Variants in DLGAP1 observed in about 807,000 individuals in gnomAD.
DLGAP1 encodes the protein disks large-associated protein 1.
DLGAP1 carries 11 observed loss-of-function variants against 90.8 expected under a neutral mutation model. The observed-to-expected ratio is 0.12, with a 90% CI of 0.08 to 0.20. DLGAP1 has a LOEUF of 0.20. Ranked by LOEUF, DLGAP1 falls within the 10% of genes least tolerant of loss-of-function variation. The pLI is 1.00. For missense variants in DLGAP1, 1,050 were observed against 1,333.8 expected (o/e 0.79, Z 3.31); for synonymous variants, 558 against 540.7 (o/e 1.03, Z -0.44).
intron 1 of DLGAP1, among the ~76,000 whole-genome samples, chr18:4,423,453 A>T (rs1299176966): frequency 6.6e-6 from 1 of 152,220 alleles, no homozygotes. Context: ...TTTCACATCA[A>T]ATTACAGAAA....
intron 2 of DLGAP1, among the ~76,000 whole-genome samples, chr18:4,052,771 G>C (rs111690460): frequency 6.6e-6 from 1 of 151,996 alleles, no homozygotes; most frequent in Non-Finnish European, 1.5e-5. Flanking sequence ...CTTCTTGAAG[G>C]CTTTGCCACT....
chr18:3,685,499 A>G (rs192557100), intron 7 of DLGAP1, among the ~76,000 whole-genome samples: 17,584 of 144,502 alleles, frequency 0.12, 1,197 homozygotes, highest in Non-Finnish European at 0.15. Context: ...GGGAGGCAGA[A>G]CTTGCAGTGA....
chr18:4,058,547 C>A (rs1568373619), intron 2 of DLGAP1, among the ~76,000 whole-genome samples: 1 of 152,184 alleles, frequency 6.6e-6, no homozygotes, highest in Non-Finnish European at 1.5e-5. Flanking sequence ...TGAATTAGCA[C>A]CCCTTTGGGA....
intron 1 of DLGAP1, among the ~76,000 whole-genome samples, chr18:4,154,226 ATTT>A (rs555943126): frequency 1.5e-5 from 2 of 130,436 alleles, no homozygotes; most frequent in Admixed American, 7.8e-5. Flanking sequence ...ACACCCGGCT[ATTT>A]TTTTTTTTTT....
intron 2 of DLGAP1, among the ~76,000 whole-genome samples, chr18:4,021,328 AAC>A (rs2074604882): frequency 6.6e-6 from 1 of 152,154 alleles, no homozygotes; most frequent in South Asian, 2.1e-4. Flanking sequence ...GGCTGTGCTC[AAC>A]ACAGTGAGTG....
intron 10 of DLGAP1, among the ~76,000 whole-genome samples, chr18:3,533,031 C>T (rs760353960): frequency 6.6e-6 from 1 of 152,098 alleles, no homozygotes; most frequent in Non-Finnish European, 1.5e-5. Context: ...GTGGCTCATG[C>T]CTGTAATCCC....
At chr18:4,436,121 G>T (rs1243750064) in intron 1 of DLGAP1, among the ~76,000 whole-genome samples, 1 of 152,272 alleles carries the variant, frequency 6.6e-6, no homozygotes, top group East Asian at 1.9e-4. Flanking sequence ...CCAGGGAAGC[G>T]ATCTGGAAAG....
chr18:3,974,363 G>A (rs897605589), intron 3 of DLGAP1, among the ~76,000 whole-genome samples: 5 of 152,160 alleles, frequency 3.3e-5, no homozygotes, highest in Non-Finnish European at 5.9e-5. Flanking sequence ...CAATTCATCC[G>A]TGACCTAAAT....
intron 1 of DLGAP1, among the ~76,000 whole-genome samples, chr18:4,292,270 T>C (rs1358500270): frequency 2.0e-5 from 3 of 152,264 alleles, no homozygotes; most frequent in African/African-American, 7.2e-5. Context: ...TTTATCATTG[T>C]TTAATTTTTA....
chr18:3,612,372 G>A (rs1055336369), intron 7 of DLGAP1, among the ~76,000 whole-genome samples: 1 of 152,214 alleles, frequency 6.6e-6, no homozygotes, highest in African/African-American at 2.4e-5. Flanking sequence ...GAAATGCTCA[G>A]TGTATTAACT....
chr18:4,159,233 T>C (rs1007659009), intron 1 of DLGAP1, among the ~76,000 whole-genome samples: 1 of 152,168 alleles, frequency 6.6e-6, no homozygotes, highest in African/African-American at 2.4e-5. Context: ...TAAAATACTA[T>C]ACAGTGTGAA....
chr18:4,080,942 G>A (rs2075598383), intron 2 of DLGAP1, among the ~76,000 whole-genome samples: 2 of 151,020 alleles, frequency 1.3e-5, no homozygotes, highest in Admixed American at 6.6e-5. Context: ...AGGCTGGAGT[G>A]CAATGGCGCA....
chr18:4,139,425 G>A (rs1407315080), intron 2 of DLGAP1, among the ~76,000 whole-genome samples: 2 of 151,898 alleles, frequency 1.3e-5, no homozygotes, highest in African/African-American at 4.8e-5. Context: ...TCTTTGCATA[G>A]TTTCCAAAGT....
chr18:4,364,095 T>C (rs2081698445), intron 1 of DLGAP1, among the ~76,000 whole-genome samples: 1 of 151,928 alleles, frequency 6.6e-6, no homozygotes, highest in Admixed American at 6.6e-5. Flanking sequence ...GATGAGTTCA[T>C]GTCCTTTGTA....
chr18:3,919,326 G>T (rs1199306233), intron 3 of DLGAP1, among the ~76,000 whole-genome samples: 2 of 152,198 alleles, frequency 1.3e-5, no homozygotes, highest in South Asian at 2.1e-4. Context: ...TCAAGTGCAA[G>T]GGTAGCAGTC....
At chr18:3,667,630 G>A (rs977202299) in intron 7 of DLGAP1, among the ~76,000 whole-genome samples, 2 of 152,090 alleles carry the variant, frequency 1.3e-5, no homozygotes, top group Non-Finnish European at 2.9e-5. Flanking sequence ...CAGGTACTGC[G>A]GTTTCTACCT....
At chr18:3,663,529 G>A (rs1382203417) in intron 7 of DLGAP1, among the ~76,000 whole-genome samples, 2 of 152,182 alleles carry the variant, frequency 1.3e-5, no homozygotes, top group Non-Finnish European at 2.9e-5. Context: ...AAGATGCTCT[G>A]CCAGTATCTG....
At chr18:4,028,589 TATATAA>T (rs1241383415) in intron 2 of DLGAP1, among the ~76,000 whole-genome samples, 1 of 152,232 alleles carries the variant, frequency 6.6e-6, no homozygotes, top group Non-Finnish European at 1.5e-5. Flanking sequence ...TCCATAAATA[TATATAA>T]ATATGTCAAT....
At chr18:3,816,896 C>T (rs1237995457) in intron 4 of DLGAP1, among the ~76,000 whole-genome samples, 3 of 152,200 alleles carry the variant, frequency 2.0e-5, no homozygotes, top group African/African-American at 7.2e-5. Flanking sequence ...ATTTGATACA[C>T]TTGTCATTTA....
Sources: allele counts gnomAD v4.1 joint callset (sites outside exome capture counted in the v4.1 genomes callset), GRCh38; gene constraint gnomAD v4.1.1; transcripts MANE v1.5; gene names NCBI Gene and HGNC (gene_info 2026-07-23, HGNC 2026-07-21).